STK40: variants seen among roughly 807,000 people sequenced by gnomAD.
STK40 encodes serine/threonine-protein kinase 40.
STK40 carries 13 observed loss-of-function variants against 47.9 expected under a neutral mutation model. The ratio of observed to expected loss-of-function variants is 0.27; its 90% confidence interval spans 0.18 to 0.43. STK40 has a LOEUF of 0.43. Among genes scored for constraint, STK40 ranks in the 20% least tolerant of loss-of-function variants. The pLI, the probability that STK40 is intolerant of heterozygous loss-of-function variation, is 1.00. For missense variants in STK40, 460 were observed against 595.1 expected (o/e 0.77, Z 2.36); for synonymous variants, 225 against 243.2 (o/e 0.93, Z 0.69).
At chr1:36,362,197 T>C (rs142648290) in intron 1 of STK40, among the ~76,000 whole-genome samples, 9 of 152,062 alleles carry the variant, frequency 5.9e-5, no homozygotes, top group South Asian at 2.1e-4. Context: ...GATTTAAAAA[T>C]AACAGATAAA....
rs947577388 is a variant in STK40, at chr1:36,340,427, G to A, written c.*1328C>T. 6.5e-6 allele frequency: 1 copy of A among 152,782 alleles called. No individual in the cohort carries two copies. The highest frequency in any genetic ancestry group is 2.4e-5 in the African/African-American group (1 of 41,456). 9.5% of individuals were successfully genotyped at this position (152,782 alleles called of 1,614,324 possible). A position where few individuals can be genotyped will look rare whatever the true frequency, so the allele number is the denominator to read the frequency against. ...ACAGTCACCTCCCCACTGGGGAGCA[G>A]GGCCAGGCAGGAGGGGCCTCAGGGC... On this transcript the variant is annotated 3_prime_UTR_variant, in exon 11 of 11. Transcript: ENST00000373132.
Position 36,343,853 on chromosome 1 carries a change from C to T in STK40, c.1004+7G>A, listed in dbSNP as rs199814928. 5.1e-6 allele frequency: 8 copies of T among 1,578,936 alleles called. No individual in the cohort carries two copies. In the African/African-American group the frequency reaches 1.1e-4, roughly 21 times the overall value. ...CCTTGTGCCCGGTCAAGTGCCTGTC[C>T]ACTTACCATGATGCAATGATGGCAC... On this transcript the variant is annotated splice_region_variant and intron_variant, in intron 9 of 10. Coordinates refer to ENST00000373132, the MANE Select transcript of STK40 (RefSeq NM_001282547.2).
chr1:36,376,309 T>A (rs1646992008), intron 1 of STK40, among the ~76,000 whole-genome samples: 1 of 152,128 alleles, frequency 6.6e-6, no homozygotes, highest in Non-Finnish European at 1.5e-5. Context: ...TATGTAGGTC[T>A]CGAGAAGGGT....
chr1:36,382,805 A>T (rs773822218), intron 1 of STK40, among the ~76,000 whole-genome samples: 10 of 152,176 alleles, frequency 6.6e-5, no homozygotes, highest in Non-Finnish European at 1.3e-4. Context: ...GTAACATCTT[A>T]CTTACTCCTC....
At position 36,348,834 on chromosome 1, in the gene STK40, G is replaced by C. The variant is rs1202432195; in HGVS notation, c.624-19C>G. The C allele has an allele frequency of 1.3e-6, 2 of 1,580,342 alleles. No individual in the cohort carries two copies. Among genetic ancestry groups the C allele is most frequent in the Non-Finnish European group, 1.7e-6 (2 of 1,161,156 alleles). On this transcript the variant is annotated intron_variant, in intron 6 of 10. Coordinates refer to ENST00000373132, the MANE Select transcript of STK40 (RefSeq NM_001282547.2). ...ATGTGTCCTAGGAGTGGGAGACAGA[G>C]TGAACAAACCTCAGTGTCTATAGCA... is the stretch of plus-strand genomic sequence containing the variant.
At chr1:36,362,036 A>G (rs1188862922) in intron 1 of STK40, among the ~76,000 whole-genome samples, 2 of 152,226 alleles carry the variant, frequency 1.3e-5, no homozygotes, top group African/African-American at 4.8e-5. Context: ...CTTTTCAGAA[A>G]AAGAAAATTC....
intron 1 of STK40, among the ~76,000 whole-genome samples, chr1:36,380,955 C>T (rs980969119): frequency 6.6e-6 from 1 of 152,130 alleles, no homozygotes; most frequent in African/African-American, 2.4e-5. Flanking sequence ...CTTGAGCCAT[C>T]CCTATCTCTG....
At chr1:36,341,994 G>A in intron 10 of STK40, 21 bp from the exon 11 acceptor site, 5 of 1,598,162 alleles carry the variant, frequency 3.1e-6, no homozygotes, top group Non-Finnish European at 3.4e-6. Context: ...GGGAGGGTGG[G>A]AAGGAGACAA....
intron 7 of STK40, among the ~76,000 whole-genome samples, chr1:36,346,503 G>C (rs1436838106): frequency 6.6e-6 from 1 of 152,204 alleles, no homozygotes; most frequent in East Asian, 1.9e-4. Context: ...TAAATGAAAG[G>C]GCAGACCTGG....
chr1:36,367,994 T>A (rs768454308), intron 1 of STK40: 20 of 529,648 alleles, frequency 3.8e-5, no homozygotes, highest in Non-Finnish European at 4.8e-5. Context: ...GCTTAAGATC[T>A]CTTGGAGCAG....
At chr1:36,343,774 G>A in intron 9 of STK40, 86 bp downstream of exon 9, 2 of 1,499,422 alleles carry the variant, frequency 1.3e-6, no homozygotes. Flanking sequence ...AGAGAAGCAG[G>A]CTGACTACTG....
chr1:36,349,367 A>G (rs562492020), intron 6 of STK40, among the ~76,000 whole-genome samples: 9 of 152,334 alleles, frequency 5.9e-5, no homozygotes, highest in South Asian at 2.1e-4. Context: ...ACAGTGGCCA[A>G]TGAGGGGGAT....
intron 2 of STK40, among the ~76,000 whole-genome samples, chr1:36,360,539 TATTTTA>T (rs2124738706): frequency 6.6e-6 from 1 of 151,840 alleles, no homozygotes; most frequent in East Asian, 1.9e-4. Flanking sequence ...TATTTTATTT[TATTTTA>T]TTTTTTTAGA....
chr1:36,354,055 G>A (rs577206730), intron 6 of STK40, among the ~76,000 whole-genome samples: 2 of 152,080 alleles, frequency 1.3e-5, no homozygotes, highest in Non-Finnish European at 2.9e-5. Context: ...GGGAGCCACC[G>A]CACCTGACCA....
chr1:36,354,150 T>C (rs1169376565), intron 6 of STK40, among the ~76,000 whole-genome samples: 1 of 152,174 alleles, frequency 6.6e-6, no homozygotes, highest in Non-Finnish European at 1.5e-5. Context: ...TCTAAAGTTC[T>C]TCCCAGAGCT....
At chr1:36,372,141 A>G (rs1318473531) in intron 1 of STK40, among the ~76,000 whole-genome samples, 1 of 152,126 alleles carries the variant, frequency 6.6e-6, no homozygotes, top group Non-Finnish European at 1.5e-5. Context: ...ACATAATGAT[A>G]ACTGATCACC....
chr1:36,364,011 T>C (rs539503628), intron 1 of STK40, among the ~76,000 whole-genome samples: 204 of 146,804 alleles, frequency 1.4e-3, no homozygotes, highest in Non-Finnish European at 2.5e-3. Context: ...ATTAGCCGGG[T>C]GTGGTGGTGG....
chr1:36,366,836 CTTTT>C (rs1170166317), intron 1 of STK40, among the ~76,000 whole-genome samples: 5 of 139,068 alleles, frequency 3.6e-5, no homozygotes, highest in Admixed American at 1.5e-4. Context: ...TCTTCTTCTT[CTTTT>C]TTTTTTTTTT....
chr1:36,375,534 T>G (rs1447361948), intron 1 of STK40, among the ~76,000 whole-genome samples: 3 of 151,824 alleles, frequency 2.0e-5, no homozygotes, highest in Non-Finnish European at 2.9e-5. Context: ...AATGTTATGT[T>G]TCCTTCTTTC....
Sources: allele counts gnomAD v4.1 joint callset (sites outside exome capture counted in the v4.1 genomes callset), GRCh38; gene constraint gnomAD v4.1.1; transcripts MANE v1.5; gene names NCBI Gene and HGNC (gene_info 2026-07-23, HGNC 2026-07-21).